The following ATP5F1A variants were observed in gnomAD, a reference collection of about 807,000 sequenced individuals.
ATP5F1A encodes the protein ATP synthase F(1) complex subunit alpha, mitochondrial.
Under a neutral mutation model 57.4 loss-of-function variants are expected in ATP5F1A, and 24 were observed. The observed-to-expected ratio is 0.42, with a 90% confidence interval of 0.30 to 0.59. The LOEUF is 0.59. ATP5F1A is among the 20% of genes least tolerant of loss of function. The probability of loss-of-function intolerance (pLI) is 0.19; values close to 1 mark genes in which losing one functional copy is unlikely to be tolerated. For synonymous variants in ATP5F1A, 251 were observed against 255.5 expected (o/e 0.98, Z 0.17); for missense variants, 494 against 707.9 (o/e 0.70, Z 3.43).
chr18:46,102,171 C>CT (rs1358379575), upstream of ATP5F1A, among the ~76,000 whole-genome samples: 1 of 141,520 alleles, frequency 7.1e-6, no homozygotes, highest in African/African-American at 2.7e-5. Context: ...AAGACTCCCT[C>CT]TCAAAAAAAA....
At position 46,082,017 on chromosome 18, in the gene ATP5F1A, G is replaced by A. The variant is rs1235028091; in HGVS notation, c.*2265C>T. The A allele has an allele frequency of 1.4e-5, 2 of 147,996 alleles. No homozygotes were observed. Among genetic ancestry groups the A allele is most frequent in the African/African-American group, 2.5e-5 (1 of 40,104 alleles). The allele number at this position is 147,996 out of a possible 1,614,324, so 9.2% of individuals were successfully genotyped here. A position where few individuals can be genotyped will look rare whatever the true frequency, so the allele number is the denominator to read the frequency against. On this transcript the variant is annotated 3_prime_UTR_variant, in exon 12 of 12. Transcript: ENST00000398752. ...AAATGGCAAGGAAGGGGGAACCCTAGGAAAAATATTTTAGAACATGACCAT... is the reference window on the plus strand; with the variant it reads ...AAATGGCAAGGAAGGGGGAACCCTAAGAAAAATATTTTAGAACATGACCAT...
Position 46,086,394 on chromosome 18 carries a change from A to G in ATP5F1A, c.1277T>C (p.Met426Thr). The change falls in exon 9 of 12, where the codon ATG becomes ACG. Residue 426 changes from methionine to threonine, a missense_variant. Around this residue, in one of 6 missense-constraint regions of ATP5F1A, gnomAD observed 127 missense variants for 195.2 expected, o/e 0.65. Coordinates refer to ENST00000398752, the MANE Select transcript of ATP5F1A (RefSeq NM_004046.6). Reference protein sequence around the residue: ...RVGSAAQTRAMKQVAGTMKLE... With the variant: ...RVGSAAQTRATKQVAGTMKLE... ...AAAGTGATGCAAAATTACCTGCTTC[A>G]TAGCCCTGGTTTGGGCAGCGGATCC... 1 of 1,614,186 alleles carries G rather than the reference A, an allele frequency of 6.2e-7. No homozygotes were observed. The highest frequency in any genetic ancestry group is 8.5e-7 in the Non-Finnish European group (1 of 1,180,036).
At chr18:46,092,617 T>TTATATA (rs10524147) in intron 2 of ATP5F1A, among the ~76,000 whole-genome samples, 2,834 of 146,404 alleles carry the variant, frequency 0.019, 93 homozygotes, top group African/African-American at 0.064. Flanking sequence ...CACACAAAAA[T>TTATATA]TATATATATA....
chr18:46,095,723 C>A (rs1250103985), intron 1 of ATP5F1A, among the ~76,000 whole-genome samples: 1 of 151,228 alleles, frequency 6.6e-6, no homozygotes, highest in Non-Finnish European at 1.5e-5. Context: ...CTCAGGTGAT[C>A]CTCCCACCTC....
rs1909947107 is a variant in ATP5F1A, at chr18:46,084,568, T to C, written c.1516A>G (p.Lys506Glu). 1.2e-6 allele frequency: 2 copies of C among 1,613,106 alleles called. No individual in the cohort carries two copies. Among genetic ancestry groups the C allele is most frequent in the South Asian group, 1.1e-5 (1 of 90,726 alleles). Reference protein sequence around the residue: ...LDKLEPSKITKFENAFLSHVV... With the variant: ...LDKLEPSKITEFENAFLSHVV... ...TGAGACAAGAAAGCATTCTCAAACT[T>C]TGTAATCTTGCTGGGCTCCAGTTTA... Residue 506 changes from lysine (K) to glutamate (E), a missense_variant, in exon 11 of 12, where the codon AAG becomes GAG. By Grantham distance (56) the Lys-to-Glu change is moderately conservative (BLOSUM62 1). This residue lies in a region of ATP5F1A where 127 missense variants were observed against 195.2 expected (regional missense o/e 0.65). Coordinates refer to ENST00000398752, the MANE Select transcript of ATP5F1A (RefSeq NM_004046.6).
rs182325314 is a variant in ATP5F1A, at chr18:46,085,826, A to C, written c.1429+287T>G. Reference sequence around the variant, plus strand: ...CTCACACCTGTAATCCGAGCTACTAAGGAGGCTGAGGCAGGAGAATCGCGT... The same window carrying C: ...CTCACACCTGTAATCCGAGCTACTACGGAGGCTGAGGCAGGAGAATCGCGT... On this transcript the variant is annotated intron_variant, in intron 10 of 11. Coordinates refer to ENST00000398752, the MANE Select transcript of ATP5F1A (RefSeq NM_004046.6). 1,030 of 346,168 alleles carry C rather than the reference A, an allele frequency of 3.0e-3. 16 individuals carry two copies. The highest frequency in any genetic ancestry group is 0.02 in the African/African-American group (957 of 46,864). The allele number at this position is 346,168 out of a possible 1,614,324, so 21.4% of individuals were successfully genotyped here.
In ATP5F1A at chr18:46,083,047, C is replaced by T. The variant is rs1909851736; in HGVS notation, c.*1235G>A. On this transcript the variant is annotated 3_prime_UTR_variant, in exon 12 of 12. Transcript: ENST00000398752. ...CCTAGGTGACAGAGCAAGACTCTGT[C>T]TCAAAAAAATAAATAAATCAGTAAA... 6.6e-6 allele frequency: 1 copy of T among 150,930 alleles called. No individual in the cohort carries two copies. Among genetic ancestry groups the T allele is most frequent in the South Asian group, 2.1e-4 (1 of 4,768 alleles). 9.3% of individuals were successfully genotyped at this position (150,930 alleles called of 1,614,324 possible).
At chr18:46,103,372 G>A (rs150942675) in intron 1 of ATP5F1A, among the ~76,000 whole-genome samples, 11,022 of 151,632 alleles carry the variant, frequency 0.073, 492 homozygotes, top group African/African-American at 0.13. Flanking sequence ...AGGCCAAGGC[G>A]GGCGGATCAC....
intron 2 of ATP5F1A, chr18:46,094,619 A>G (rs1183783501): frequency 1.3e-5 from 2 of 152,458 alleles, no homozygotes; most frequent in African/African-American, 4.8e-5. Flanking sequence ...GTGAGCCGAG[A>G]TCTTGCCACT....
chr18:46,088,052 C>T, intron 6 of ATP5F1A, 57 bp downstream of exon 6: 4 of 1,557,186 alleles, frequency 2.6e-6, no homozygotes, highest in Middle Eastern at 2.3e-4. Flanking sequence ...AGCTATTCTA[C>T]AATCAGCAGC....
At chr18:46,101,118 C>G (rs879308378), upstream of ATP5F1A, among the ~76,000 whole-genome samples, 5 of 152,150 alleles carry the variant, frequency 3.3e-5, no homozygotes, top group Non-Finnish European at 7.3e-5. Flanking sequence ...CGGGCAGTTT[C>G]AGCAGCCAGG....
At chr18:46,089,448 T>G (rs1049751899) in intron 5 of ATP5F1A, 118 bp downstream of exon 5, 10 of 1,242,686 alleles carry the variant, frequency 8.0e-6, no homozygotes, top group Non-Finnish European at 1.1e-5. Context: ...AATTTTACTA[T>G]TAATCCTCGT....
chr18:46,087,571 A>G, intron 6 of ATP5F1A, 79 bp from the exon 7 acceptor site: 1 of 1,495,208 alleles, frequency 6.7e-7, no homozygotes, highest in East Asian at 2.4e-5. Context: ...CTAAGTGCTA[A>G]AAATATTTAC....
intron 3 of ATP5F1A, among the ~76,000 whole-genome samples, chr18:46,090,224 T>A (rs1800637): frequency 6.6e-6 from 1 of 152,054 alleles, no homozygotes; most frequent in East Asian, 1.9e-4. Context: ...AAGCCTAATA[T>A]GCTCACTATC....
At chr18:46,098,084 G>T (rs1198862791) in intron 1 of ATP5F1A, 88 bp downstream of exon 1, 2 of 1,477,254 alleles carry the variant, frequency 1.4e-6, no homozygotes, top group Admixed American at 2.5e-5. Flanking sequence ...ACAGCCCCTC[G>T]CCCTCCTGCA....
At position 46,084,153 on chromosome 18, in the gene ATP5F1A, T is replaced by G; in HGVS notation, c.*129A>C. The G allele has an allele frequency of 1.4e-6, 1 of 730,908 alleles. No individual in the cohort carries two copies. The highest frequency in any genetic ancestry group is 2.1e-6 in the Non-Finnish European group (1 of 466,860). The allele number at this position is 730,908 out of a possible 1,614,324, so 45.3% of individuals were successfully genotyped here. ...ACAAATGACAGAAAACAACTATGCA[T>G]TATGGAACCTTTATTTTTCATGTGA... On this transcript the variant is annotated 3_prime_UTR_variant, in exon 12 of 12. Coordinates refer to ENST00000398752, the MANE Select transcript of ATP5F1A (RefSeq NM_004046.6).
At chr18:46,086,085 T>A in intron 10 of ATP5F1A, 28 bp downstream of exon 10, 1 of 1,607,878 alleles carries the variant, frequency 6.2e-7, no homozygotes, top group Non-Finnish European at 8.5e-7. Context: ...AATAGGAACC[T>A]GACCAAATGA....
At chr18:46,086,945 C>G in intron 8 of ATP5F1A, 63 bp downstream of exon 8, 1 of 1,526,532 alleles carries the variant, frequency 6.6e-7, no homozygotes, top group Admixed American at 1.8e-5. Flanking sequence ...CCATTAGTCT[C>G]AACCAATGCC....
intron 1 of ATP5F1A, among the ~76,000 whole-genome samples, chr18:46,096,564 A>AT (rs1910973027): frequency 6.6e-6 from 1 of 151,716 alleles, no homozygotes; most frequent in South Asian, 2.1e-4. Flanking sequence ...AAGGTACCCA[A>AT]TTTTTATTAT....
Sources: gnomAD v4.1 joint callset for allele counts (sites outside exome capture counted in the v4.1 genomes callset) on GRCh38, gnomAD v4.1.1 for gene constraint, gnomAD v4.1.1 regional missense constraint, MANE v1.5 for transcripts, NCBI Gene and HGNC (gene_info 2026-07-23, HGNC 2026-07-21) for gene names.